The following UBE2T variants were observed in gnomAD, a reference collection of about 807,000 sequenced individuals.
The protein encoded by UBE2T is ubiquitin conjugating enzyme E2 T, also known as ubiquitin-conjugating enzyme E2 T.
A neutral mutation model predicts 23.3 loss-of-function variants in UBE2T; 15 were observed. The ratio of observed to expected loss-of-function variants is 0.64; its 90% CI spans 0.43 to 0.99. UBE2T has a LOEUF of 0.99. UBE2T is among the 50% of genes least tolerant of loss of function. The pLI, the probability that UBE2T is intolerant of heterozygous loss-of-function variation, is 0.00. For synonymous variants in UBE2T, 67 were observed against 78.4 expected (o/e 0.85, Z 0.77); for missense variants, 197 against 234.9 (o/e 0.84, Z 1.05).
At chr1:202,332,736 G>T (rs1430812577) in intron 6 of UBE2T, among the ~76,000 whole-genome samples, 1 of 149,626 alleles carries the variant, frequency 6.7e-6, no homozygotes, top group East Asian at 2.0e-4. Flanking sequence ...GTGAAACCCC[G>T]TCTCTACTAA....
In UBE2T at chr1:202,335,063, A is replaced by G; in HGVS notation, c.110-5T>C. 6.2e-7 allele frequency: 1 copy of G among 1,602,898 alleles called. No individual in the cohort carries two copies. The highest frequency in any genetic ancestry group is 8.5e-7 in the Non-Finnish European group (1 of 1,173,696). On this transcript the variant is annotated splice_region_variant and splice_polypyrimidine_tract_variant and intron_variant, in intron 2 of 6. Transcript: ENST00000646651. This position sits in a 1 kb window ranked among gnomAD's most constrained non-coding sequence, Gnocchi z 4.0. The stretch of plus-strand genomic sequence containing the variant: ...TGTTGGCTCCACCTAATATTTCTTA[A>G]AAGAAAAAAGAAAGAAAAAGTTAAA...
chr1:202,333,981 G>C (rs1241110887), intron 3 of UBE2T, among the ~76,000 whole-genome samples: 1 of 150,922 alleles, frequency 6.6e-6, no homozygotes, highest in African/African-American at 2.4e-5. Flanking sequence ...CAATTCATAC[G>C]TTGCATTTGG....
intron 6 of UBE2T, 34 bp downstream of exon 6, chr1:202,332,976 C>T (rs936923303): frequency 2.6e-6 from 2 of 770,610 alleles, no homozygotes; most frequent in Non-Finnish European, 4.3e-6. Context: ...ACTATATATA[C>T]TTAATTAACT....
intron 3 of UBE2T, among the ~76,000 whole-genome samples, chr1:202,334,787 G>A (rs1458630891): frequency 6.6e-6 from 1 of 152,096 alleles, no homozygotes; most frequent in African/African-American, 2.4e-5. Flanking sequence ...AAAGTGAGGG[G>A]GTCTTTGATG....
At chr1:202,339,752 G>A (rs903592495) in intron 1 of UBE2T, among the ~76,000 whole-genome samples, 2 of 152,084 alleles carry the variant, frequency 1.3e-5, no homozygotes, top group Admixed American at 6.6e-5. Flanking sequence ...AAGTATATGG[G>A]GGTGGGGCTG....
chr1:202,335,790 G>A lies in UBE2T; in HGVS notation c.-36C>T, dbSNP rs367613706. The A allele has an allele frequency of 4.4e-6, 7 of 1,589,340 alleles. No individual in the cohort carries two copies. Among genetic ancestry groups the A allele is most frequent in the Non-Finnish European group, 6.0e-6 (7 of 1,158,070 alleles). The stretch of plus-strand genomic sequence containing the variant: ...TAGAAGGAACCACACACAGTTCACT[G>A]CTCCACACTAAGAGCTGCCTGGGAT... On this transcript the variant is annotated 5_prime_UTR_variant, in exon 2 of 7. Coordinates refer to ENST00000646651, the MANE Select transcript of UBE2T (RefSeq NM_014176.4). This position sits in a 1 kb window ranked among gnomAD's most constrained non-coding sequence, Gnocchi z 4.0.
At chr1:202,338,219 A>T (rs770866247) in intron 1 of UBE2T, among the ~76,000 whole-genome samples, 5 of 151,334 alleles carry the variant, frequency 3.3e-5, no homozygotes, top group Non-Finnish European at 7.4e-5. Context: ...AATCTAATTG[A>T]TTTTTTTTTA....
intron 4 of UBE2T, 22 bp downstream of exon 4, chr1:202,333,428 C>G (rs1340724324): frequency 1.2e-6 from 2 of 1,613,432 alleles, no homozygotes; most frequent in Non-Finnish European, 1.7e-6. Context: ...GCTGTAGAGT[C>G]AACCATTTAC....
At chr1:202,334,912 C>G in intron 3 of UBE2T, 77 bp downstream of exon 3, 1 of 1,359,990 alleles carries the variant, frequency 7.4e-7, no homozygotes, top group Non-Finnish European at 1.0e-6. Context: ...CCTTTATGCT[C>G]TATCTACTAC....
Position 202,335,803 on chromosome 1 carries a change from A to T in UBE2T, c.-49T>A. On this transcript the variant is annotated 5_prime_UTR_variant, in exon 2 of 7. Transcript: ENST00000646651. The surrounding 1 kb of genome is among the most constrained non-coding windows in gnomAD (Gnocchi z 4.0). ...ACACAGTTCACTGCTCCACACTAAG[A>T]GCTGCCTGGGATGCACTGGAGGAGA... The T allele has an allele frequency of 6.4e-7, 1 of 1,561,964 alleles. No homozygotes were observed. The highest frequency in any genetic ancestry group is 8.8e-7 in the Non-Finnish European group (1 of 1,133,902).
At chr1:202,340,926 A>G (rs1227766306) in intron 1 of UBE2T, among the ~76,000 whole-genome samples, 1 of 152,206 alleles carries the variant, frequency 6.6e-6, no homozygotes, top group East Asian at 1.9e-4. Context: ...GTTCTTTACA[A>G]TCTAACCCTT....
intron 1 of UBE2T, among the ~76,000 whole-genome samples, chr1:202,338,944 C>T (rs1304791051): frequency 6.6e-6 from 1 of 151,808 alleles, no homozygotes; most frequent in Admixed American, 6.6e-5. Flanking sequence ...TGTCAGATTT[C>T]TAACCTTAAA....
intron 6 of UBE2T, among the ~76,000 whole-genome samples, chr1:202,332,675 G>A (rs560570516): frequency 2.0e-5 from 3 of 151,708 alleles, no homozygotes; most frequent in Non-Finnish European, 2.9e-5. Flanking sequence ...TTGGGAGGCC[G>A]AGGCGGGCGG....
At chr1:202,333,423 A>G (rs370787933) in intron 4 of UBE2T, 27 bp downstream of exon 4, 140 of 1,613,428 alleles carry the variant, frequency 8.7e-5, no homozygotes, top group Non-Finnish European at 1.1e-4. Flanking sequence ...AGAATGCTGT[A>G]GAGTCAACCA....
intron 1 of UBE2T, among the ~76,000 whole-genome samples, chr1:202,340,210 A>AAAAAC (rs895845267): frequency 6.7e-5 from 10 of 149,120 alleles, no homozygotes; most frequent in African/African-American, 2.2e-4. Context: ...ACTCTGTCTC[A>AAAAAC]AAAACAAAAC....
chr1:202,341,192 G>C (rs1654992667), intron 1 of UBE2T, among the ~76,000 whole-genome samples: 1 of 152,282 alleles, frequency 6.6e-6, no homozygotes, highest in African/African-American at 2.4e-5. Flanking sequence ...GGAATTCCTT[G>C]ACAGCAGGTC....
At chr1:202,334,931 G>A (rs1269181671) in intron 3 of UBE2T, 58 bp downstream of exon 3, 2 of 1,519,422 alleles carry the variant, frequency 1.3e-6, no homozygotes, top group Non-Finnish European at 1.8e-6. Flanking sequence ...ACATTGCTCT[G>A]TCTCCCAATT....
In UBE2T at chr1:202,335,903, G is replaced by C. The variant is rs981357410; in HGVS notation, c.-64-85C>G. ...CAAACAGCTTCAATGTAGTGAGGGT[G>C]GGGGACAGAGTCCTCTTTTTTGTTT... On this transcript the variant is annotated intron_variant, in intron 1 of 6. Coordinates refer to ENST00000646651, the MANE Select transcript of UBE2T (RefSeq NM_014176.4). The surrounding 1 kb of genome is among the most constrained non-coding windows in gnomAD (Gnocchi z 4.0). 1 of 632,796 alleles carries C rather than the reference G, an allele frequency of 1.6e-6. No individual in the cohort carries two copies. The highest frequency in any genetic ancestry group is 2.7e-6 in the Non-Finnish European group (1 of 367,362). The allele number at this position is 632,796 out of a possible 1,614,324, so 39.2% of individuals were successfully genotyped here. A position where few individuals can be genotyped will look rare whatever the true frequency, so the allele number is the denominator to read the frequency against.
At chr1:202,336,678 T>C (rs1286121376) in intron 1 of UBE2T, among the ~76,000 whole-genome samples, 1 of 152,180 alleles carries the variant, frequency 6.6e-6, no homozygotes, top group Non-Finnish European at 1.5e-5. Context: ...GAAGTCTACA[T>C]ATGCTTTGTG....
Sources: gnomAD v4.1 joint callset for allele counts (sites outside exome capture counted in the v4.1 genomes callset) on GRCh38, gnomAD v4.1.1 for gene constraint, Gnocchi (gnomAD v3.1) non-coding constraint, MANE v1.5 for transcripts, NCBI Gene and HGNC (gene_info 2026-07-23, HGNC 2026-07-21) for gene names.